Variants in GALNTL6 observed in about 807,000 individuals in gnomAD.
GALNTL6 encodes the protein polypeptide N-acetylgalactosaminyltransferase like 6.
In GALNTL6, 46 loss-of-function variants were observed where a neutral mutation model predicts 73.7. That is an observed-to-expected ratio of 0.62 (90% CI 0.49 to 0.80). GALNTL6 has a LOEUF of 0.80. Ranked by LOEUF, GALNTL6 falls within the 30% of genes least tolerant of loss-of-function variation. The pLI is 0.00. For synonymous variants in GALNTL6, 259 were observed against 263.7 expected (o/e 0.98, Z 0.17); for missense variants, 604 against 755.0 (o/e 0.80, Z 2.34).
chr4:172,424,007 A>G (rs1042818090), intron 5 of GALNTL6, among the ~76,000 whole-genome samples: 1 of 152,104 alleles, frequency 6.6e-6, no homozygotes, highest in African/African-American at 2.4e-5. Flanking sequence ...CAAAAACTAT[A>G]CATATTTAAT....
At chr4:172,913,104 G>C (rs945126658) in intron 8 of GALNTL6, among the ~76,000 whole-genome samples, 1 of 152,138 alleles carries the variant, frequency 6.6e-6, no homozygotes, top group African/African-American at 2.4e-5. Context: ...AGGAAAACAG[G>C]GTCTGGAGTG....
chr4:171,941,239 T>C (rs888193302), intron 2 of GALNTL6, among the ~76,000 whole-genome samples: 2 of 152,214 alleles, frequency 1.3e-5, no homozygotes, highest in East Asian at 1.9e-4. Flanking sequence ...GTTGACTGTA[T>C]TCATTGTAGA....
At chr4:172,708,277 C>A (rs923702036) in intron 5 of GALNTL6, among the ~76,000 whole-genome samples, 1 of 152,188 alleles carries the variant, frequency 6.6e-6, no homozygotes, top group African/African-American at 2.4e-5. Context: ...TTCGTGGTCT[C>A]AAACCCCTGA....
chr4:172,609,623 C>G (rs201718575), intron 5 of GALNTL6, among the ~76,000 whole-genome samples: 367 of 92,538 alleles, frequency 4.0e-3, no homozygotes, highest in South Asian at 0.013. Context: ...CTCTCTCTCT[C>G]TCTGTGTGTG....
At chr4:172,112,088 C>A (rs1732867223) in intron 2 of GALNTL6, among the ~76,000 whole-genome samples, 1 of 152,108 alleles carries the variant, frequency 6.6e-6, no homozygotes, top group African/African-American at 2.4e-5. Flanking sequence ...CCCCTGGAAA[C>A]CAATAATCTT....
In GALNTL6 at chr4:172,659,050, C is replaced by T. The variant is rs907989333; in HGVS notation, c.554-150311C>T. On this transcript the variant is annotated intron_variant, in intron 5 of 12. Transcript: ENST00000506823. Reference sequence around the variant, plus strand: ...TTATTGTAAGCAGCATACATGTATTCGATCATTTAATCCTATCTCATCCAC... The same window carrying T: ...TTATTGTAAGCAGCATACATGTATTTGATCATTTAATCCTATCTCATCCAC... 8.5e-5 allele frequency among the ~76,000 whole-genome samples: 13 copies of T among 152,208 alleles called. No individual in the cohort carries two copies. In the South Asian group the frequency reaches 1.7e-3, roughly 19 times the overall value.
intron 5 of GALNTL6, among the ~76,000 whole-genome samples, chr4:172,399,891 A>T (rs1347488865): frequency 6.6e-6 from 1 of 152,124 alleles, no homozygotes; most frequent in Non-Finnish European, 1.5e-5. Context: ...TTTAACTTCA[A>T]ACAAGAAGGT....
chr4:172,971,828 G>C (rs1750597262), intron 10 of GALNTL6, among the ~76,000 whole-genome samples: 2 of 152,028 alleles, frequency 1.3e-5, no homozygotes, highest in Admixed American at 1.3e-4. Flanking sequence ...CTAGATAACA[G>C]TAAATTATGT....
intron 7 of GALNTL6, among the ~76,000 whole-genome samples, chr4:172,869,721 C>A (rs1022153456): frequency 6.6e-6 from 1 of 152,196 alleles, no homozygotes; most frequent in African/African-American, 2.4e-5. Flanking sequence ...CTTTCACCAT[C>A]TTCTGGTACC....
chr4:171,913,994 GTTA>G (rs1246191714), intron 2 of GALNTL6, among the ~76,000 whole-genome samples: 1 of 152,000 alleles, frequency 6.6e-6, no homozygotes, highest in East Asian at 1.9e-4. Flanking sequence ...AGCTACTGGA[GTTA>G]TTAACATGGT....
At chr4:172,099,405 A>T (rs1732448316) in intron 2 of GALNTL6, among the ~76,000 whole-genome samples, 1 of 152,176 alleles carries the variant, frequency 6.6e-6, no homozygotes, top group Non-Finnish European at 1.5e-5. Flanking sequence ...TTTGTAAGTG[A>T]TGATACCCGC....
intron 5 of GALNTL6, among the ~76,000 whole-genome samples, chr4:172,715,417 G>C (rs1169259140): frequency 6.6e-6 from 1 of 152,174 alleles, no homozygotes; most frequent in Non-Finnish European, 1.5e-5. Context: ...AAAGAGTGCA[G>C]GTTCTGCAAA....
chr4:172,869,848 A>G (rs1009268341), intron 7 of GALNTL6, among the ~76,000 whole-genome samples: 3 of 152,120 alleles, frequency 2.0e-5, no homozygotes. Flanking sequence ...TGCATAAACT[A>G]ATCAATACAT....
chr4:172,112,210 C>A (rs1473610172), intron 2 of GALNTL6, among the ~76,000 whole-genome samples: 2 of 152,026 alleles, frequency 1.3e-5, no homozygotes, highest in African/African-American at 2.4e-5. Flanking sequence ...CTTTCCATAT[C>A]TTTTCATGGC....
chr4:172,429,088 A>T (rs1278067427), intron 5 of GALNTL6, among the ~76,000 whole-genome samples: 1 of 151,972 alleles, frequency 6.6e-6, no homozygotes, highest in Admixed American at 6.6e-5. Context: ...AAGTTCTTTT[A>T]TAAAGGAACT....
intron 5 of GALNTL6, among the ~76,000 whole-genome samples, chr4:172,535,810 T>C (rs1735328099): frequency 1.3e-5 from 2 of 152,232 alleles, no homozygotes; most frequent in Non-Finnish European, 1.5e-5. Context: ...GAAGGCTTTA[T>C]GGACAGGTGG....
At chr4:172,232,462 T>C (rs1737102782) in intron 3 of GALNTL6, among the ~76,000 whole-genome samples, 1 of 152,158 alleles carries the variant, frequency 6.6e-6, no homozygotes, top group Admixed American at 6.5e-5. Flanking sequence ...TGGTGGGCCT[T>C]TGAATAGTTT....
At chr4:172,707,696 G>A (rs964739268) in intron 5 of GALNTL6, among the ~76,000 whole-genome samples, 1 of 152,136 alleles carries the variant, frequency 6.6e-6, no homozygotes, top group Admixed American at 6.5e-5. Context: ...TAGAGAGGGA[G>A]ATTAGGCTCA....
intron 2 of GALNTL6, among the ~76,000 whole-genome samples, chr4:172,143,662 T>C (rs1409500184): frequency 1.3e-5 from 2 of 152,138 alleles, no homozygotes; most frequent in Admixed American, 6.5e-5. Flanking sequence ...TACAGCCACA[T>C]TGACTATCGT....
Sources: allele counts gnomAD v4.1 joint callset (sites outside exome capture counted in the v4.1 genomes callset), GRCh38; gene constraint gnomAD v4.1.1; transcripts MANE v1.5; gene names NCBI Gene and HGNC (gene_info 2026-07-23, HGNC 2026-07-21).